Variants in MPST observed in about 807,000 individuals in gnomAD.
MPST encodes mercaptopyruvate sulfurtransferase.
In MPST, 27 loss-of-function variants were observed where a neutral mutation model predicts 28.5. The observed-to-expected ratio is 0.95, with a 90% CI of 0.70 to 1.31. The LOEUF (loss-of-function observed/expected upper bound fraction) is 1.31, where lower values mean the gene tolerates loss of function less well. Ranked by LOEUF, MPST falls within the 50% of genes most tolerant of loss-of-function variation. The pLI, the probability that MPST is intolerant of heterozygous loss-of-function variation, is 0.00. For synonymous variants in MPST, 204 were observed against 209.3 expected, an observed-to-expected ratio of 0.97 and a Z score of 0.22; for missense variants, 492 against 471.1, an observed-to-expected ratio of 1.04 and a Z score of -0.41.
chr22:37,029,711 C>G lies in MPST; in HGVS notation c.*197C>G, dbSNP rs754433478. 17 of 644,796 alleles carry G rather than the reference C, an allele frequency of 2.6e-5. No homozygotes were observed. In the Admixed American group the frequency reaches 2.7e-4, roughly 10 times the overall value. 39.9% of individuals were successfully genotyped at this position (644,796 alleles called of 1,614,324 possible). A position where few individuals can be genotyped will look rare whatever the true frequency, so the allele number is the denominator to read the frequency against. On this transcript the variant is annotated 3_prime_UTR_variant, in exon 3 of 3. Coordinates refer to ENST00000429360, the MANE Select transcript of MPST (RefSeq NM_021126.8). The stretch of plus-strand genomic sequence containing the variant: ...GCGGGAGGAAAGGCGGAGGCGAGCC[C>G]TGGAGGAGGGAGGCCACAACTCCGA...
intron 2 of MPST, 118 bp downstream of exon 2, chr22:37,024,928 C>CT: frequency 1.3e-6 from 2 of 1,540,012 alleles, no homozygotes; most frequent in Non-Finnish European, 8.8e-7. Context: ...ATTTCCTTTC[C>CT]TTTTTTCTTT....
At chr22:37,023,889 T>C in intron 1 of MPST, 1 of 1,492,550 alleles carries the variant, frequency 6.7e-7, no homozygotes, top group Non-Finnish European at 8.9e-7. Flanking sequence ...GGCCTTGCCC[T>C]AGGATACCTC....
chr22:37,023,836 A>T, intron 1 of MPST: 19 of 1,324,788 alleles, frequency 1.4e-5, no homozygotes, highest in Non-Finnish European at 1.7e-5. Flanking sequence ...CATCTTAGGG[A>T]GGGGTGGAGA....
At position 37,024,384 on chromosome 22, in the gene MPST, G is replaced by A. The variant is rs760001626; in HGVS notation, c.229G>A (p.Ala77Thr). The A allele has an allele frequency of 1.9e-6, 3 of 1,544,222 alleles. No homozygotes were observed. Among genetic ancestry groups the A allele is most frequent in the Admixed American group, 4.0e-5 (2 of 50,550 alleles). Residue 77 changes from alanine (A) to threonine (T), a missense_variant, in exon 2 of 3, where the codon GCC (alanine) becomes ACC (threonine). Ala to Thr is a moderately conservative substitution (Grantham distance 58, BLOSUM62 0). Coordinates refer to ENST00000429360, the MANE Select transcript of MPST (RefSeq NM_021126.8). ...GTTCGAGGAGCGCCACATCCCGGGC[G>A]CCGCTTTCTTCGACATCGACCAGTG... ...REFEERHIPG[A>T]AFFDIDQCSD...
At position 37,024,492 on chromosome 22, in the gene MPST, G is replaced by A. The variant is rs1433269253; in HGVS notation, c.337G>A (p.Ala113Thr). Residue 113 changes from alanine (A) to threonine (T), a missense_variant, in exon 2 of 3, where the codon GCG becomes ACG. Physicochemically the swap from Ala to Thr is moderately conservative, Grantham distance 58. Coordinates refer to ENST00000429360, the MANE Select transcript of MPST (RefSeq NM_021126.8). Reference protein sequence around the residue: ...AEYAGRLGVGAATHVVIYDAS... With the variant: ...AEYAGRLGVGTATHVVIYDAS... ...GTACGCAGGCCGCCTGGGCGTGGGCGCGGCCACCCACGTCGTGATCTACGA... is the reference window on the plus strand; with the variant it reads ...GTACGCAGGCCGCCTGGGCGTGGGCACGGCCACCCACGTCGTGATCTACGA... 6.4e-7 allele frequency: 1 copy of A among 1,560,210 alleles called. No individual in the cohort carries two copies. Among genetic ancestry groups the A allele is most frequent in the Non-Finnish European group, 8.7e-7 (1 of 1,155,992 alleles).
intron 2 of MPST, chr22:37,025,119 C>T: frequency 1.4e-6 from 2 of 1,435,002 alleles, no homozygotes; most frequent in Non-Finnish European, 1.9e-6. Flanking sequence ...TTAAAGGCCA[C>T]TGCATGAGGT....
At chr22:37,028,608 G>A (rs1369740807) in intron 2 of MPST, 1 of 152,230 alleles carries the variant, frequency 6.6e-6, no homozygotes, top group East Asian at 1.9e-4. Context: ...AGCCCCTCGG[G>A]GGGAAGCTGA....
In MPST at chr22:37,024,557, G is replaced by T; in HGVS notation, c.402G>T (p.Trp134Cys). The T allele has an allele frequency of 3.8e-6, 6 of 1,581,132 alleles. No homozygotes were observed. The highest frequency in any genetic ancestry group is 5.1e-6 in the Non-Finnish European group (6 of 1,169,924). Residue 134 changes from tryptophan to cysteine, a missense_variant, in exon 2 of 3, where the codon TGG (tryptophan) becomes TGT (cysteine). Trp to Cys is a radical substitution (Grantham distance 215). Transcript: ENST00000429360. Reference sequence around the variant, plus strand: ...GCCTCTACTCCGCCCCGCGCGTCTGGTGGATGTTCCGCGCCTTCGGCCACC... The same window carrying T: ...GCCTCTACTCCGCCCCGCGCGTCTGTTGGATGTTCCGCGCCTTCGGCCACC... ...DQGLYSAPRV[W>C]WMFRAFGHHA...
At chr22:37,020,177 A>T (rs1041754597) in intron 1 of MPST, 7 of 346,728 alleles carry the variant, frequency 2.0e-5, no homozygotes, top group Non-Finnish European at 3.1e-5. Context: ...GGCCCCAGGA[A>T]GAGACACTAG....
At chr22:37,022,128 C>T (rs1280053380) in intron 1 of MPST, among the ~76,000 whole-genome samples, 1 of 152,070 alleles carries the variant, frequency 6.6e-6, no homozygotes, top group Non-Finnish European at 1.5e-5. Flanking sequence ...CAGCATCTGC[C>T]AGCACAGCGC....
At chr22:37,028,369 C>T (rs1397244452) in intron 2 of MPST, 1 of 152,036 alleles carries the variant, frequency 6.6e-6, no homozygotes, top group Non-Finnish European at 1.5e-5. Context: ...CCCGTCTCTA[C>T]TAAAAATACA....
rs778378785 is a variant in MPST at position 37,029,520 on chromosome 22, G to A, written c.*6G>A. ...GCCGGGGGAAGACCCACTGAAGCTGGGCAGGACACAGGCGAGCTCAGGTGA... is the reference window on the plus strand; with the variant it reads ...GCCGGGGGAAGACCCACTGAAGCTGAGCAGGACACAGGCGAGCTCAGGTGA... On this transcript the variant is annotated 3_prime_UTR_variant, in exon 3 of 3. Transcript: ENST00000429360. The A allele has an allele frequency of 1.1e-5, 18 of 1,596,514 alleles. No homozygotes were observed. Among genetic ancestry groups the A allele is most frequent in the Non-Finnish European group, 1.5e-5 (18 of 1,169,864 alleles).
In MPST at chr22:37,024,270, G is replaced by T. The variant is rs1923300444; in HGVS notation, c.115G>T (p.Ala39Ser). Residue 39 changes from alanine to serine, a missense_variant, in exon 2 of 3, where the codon GCG becomes TCG. Ala to Ser is a moderately conservative substitution (Grantham distance 99). Transcript: ENST00000429360. The stretch of plus-strand genomic sequence containing the variant: ...GGTGTCGGCGCAATGGGTGGCGGAG[G>T]CGCTGCGGGCCCCGCGCGCTGGGCA... ...ALVSAQWVAE[A>S]LRAPRAGQPL... The T allele has an allele frequency of 6.8e-7, 1 of 1,472,144 alleles. No homozygotes were observed. Among genetic ancestry groups the T allele is most frequent in the Non-Finnish European group, 8.9e-7 (1 of 1,120,550 alleles). 91.2% of individuals were successfully genotyped at this position (1,472,144 alleles called of 1,614,324 possible).
At chr22:37,024,108 G>C in intron 1 of MPST, 84 bp from the exon 2 acceptor site, 1 of 1,307,080 alleles carries the variant, frequency 7.7e-7, no homozygotes, top group Non-Finnish European at 9.9e-7. Context: ...TCCCCCGCCG[G>C]CCCTCGCCCA....
chr22:37,022,158 G>A (rs760598600), intron 1 of MPST, among the ~76,000 whole-genome samples: 3 of 152,086 alleles, frequency 2.0e-5, no homozygotes, highest in Non-Finnish European at 4.4e-5. Context: ...GTGCTGTAAC[G>A]CAGATAATGG....
intron 1 of MPST, chr22:37,023,133 CA>C: frequency 6.6e-6 from 1 of 152,662 alleles, no homozygotes; most frequent in Non-Finnish European, 1.5e-5. Flanking sequence ...GCTGGACAGG[CA>C]AAACCTGGCC....
At chr22:37,024,087 C>T (rs1183544489) in intron 1 of MPST, 105 bp from the exon 2 acceptor site, 6 of 1,257,194 alleles carry the variant, frequency 4.8e-6, no homozygotes, top group South Asian at 3.5e-5. Flanking sequence ...CTGCCCTGCA[C>T]GGGCCGCACC....
At chr22:37,024,125 A>G in intron 1 of MPST, 67 bp from the exon 2 acceptor site, 2 of 1,340,576 alleles carry the variant, frequency 1.5e-6, no homozygotes, top group Non-Finnish European at 1.9e-6. Flanking sequence ...CCCATGCTCC[A>G]GCCCCAGCCC....
intron 1 of MPST, among the ~76,000 whole-genome samples, chr22:37,021,436 A>G (rs1923063037): frequency 6.6e-6 from 1 of 152,098 alleles, no homozygotes; most frequent in Non-Finnish European, 1.5e-5. Flanking sequence ...TTCCAGGGCC[A>G]CCAATGAGAG....
Sources: allele counts gnomAD v4.1 joint callset (sites outside exome capture counted in the v4.1 genomes callset), GRCh38; gene constraint gnomAD v4.1.1; transcripts MANE v1.5; gene names NCBI Gene and HGNC (gene_info 2026-07-23, HGNC 2026-07-21).